Variants in UGGT1 observed in about 807,000 individuals in gnomAD.
The protein encoded by UGGT1 is UDP-glucose:glycoprotein glucosyltransferase 1.
UGGT1 carries 107 observed loss-of-function variants against 203.9 expected under a neutral mutation model. The ratio of observed to expected loss-of-function variants is 0.52; its 90% CI spans 0.45 to 0.62. UGGT1 has a LOEUF of 0.62. Among genes scored for constraint, UGGT1 ranks in the 20% least tolerant of loss-of-function variants. UGGT1 has a pLI of 0.00. For missense variants in UGGT1, 1,673 were observed against 1,867.2 expected (o/e 0.90, Z 1.92); for synonymous variants, 628 against 653.5 (o/e 0.96, Z 0.59).
intron 1 of UGGT1, 89 bp downstream of exon 1, chr2:128,091,504 CG>C (rs1686861134): frequency 2.7e-6 from 4 of 1,501,582 alleles, no homozygotes; most frequent in Non-Finnish European, 2.7e-6. Flanking sequence ...ATTGAGCTTC[CG>C]CCTCTACCGT....
At chr2:128,096,977 T>G (rs1239247109) in intron 1 of UGGT1, among the ~76,000 whole-genome samples, 1 of 152,248 alleles carries the variant, frequency 6.6e-6, no homozygotes, top group Non-Finnish European at 1.5e-5. Context: ...AGATATTAAG[T>G]GCTATTATAT....
intron 25 of UGGT1, among the ~76,000 whole-genome samples, chr2:128,162,434 T>A (rs1291534290): frequency 8.0e-6 from 1 of 124,796 alleles, no homozygotes; most frequent in Non-Finnish European, 1.8e-5. Flanking sequence ...AGTGAGACTG[T>A]GTCTCCAAAA....
At chr2:128,122,474 C>T (rs1450559683) in intron 10 of UGGT1, among the ~76,000 whole-genome samples, 1 of 150,714 alleles carries the variant, frequency 6.6e-6, no homozygotes, top group African/African-American at 2.4e-5. Flanking sequence ...GTGAAGGTTA[C>T]AGTGAGCCAA....
chr2:128,149,568 A>G (rs531050635), intron 18 of UGGT1, among the ~76,000 whole-genome samples: 8 of 151,158 alleles, frequency 5.3e-5, no homozygotes, highest in African/African-American at 9.7e-5. Flanking sequence ...GATCAAGATC[A>G]TTCTGGCTAA....
intron 2 of UGGT1, among the ~76,000 whole-genome samples, chr2:128,101,609 A>G (rs1407119704): frequency 3.3e-5 from 5 of 152,210 alleles, no homozygotes; most frequent in Non-Finnish European, 5.9e-5. Flanking sequence ...TTAAATAGAC[A>G]TGAATTTATA....
chr2:128,134,660 T>C (rs1689045684), intron 14 of UGGT1, among the ~76,000 whole-genome samples: 1 of 152,246 alleles, frequency 6.6e-6, no homozygotes, highest in African/African-American at 2.4e-5. Flanking sequence ...TCCCTTGTTA[T>C]CAGCGTAAGT....
intron 3 of UGGT1, among the ~76,000 whole-genome samples, chr2:128,105,099 T>C (rs989056643): frequency 2.6e-5 from 4 of 151,624 alleles, no homozygotes; most frequent in African/African-American, 9.7e-5. Flanking sequence ...CCCAGGCTGG[T>C]CTCAAACTTC....
chr2:128,151,593 T>C (rs1349160804), intron 18 of UGGT1, among the ~76,000 whole-genome samples: 1 of 152,226 alleles, frequency 6.6e-6, no homozygotes, highest in African/African-American at 2.4e-5. Flanking sequence ...AATGTGTATA[T>C]TTGATTCACA....
intron 13 of UGGT1, 94 bp downstream of exon 13, chr2:128,129,273 A>C: frequency 7.2e-7 from 1 of 1,390,884 alleles, no homozygotes; most frequent in Non-Finnish European, 9.6e-7. Flanking sequence ...AGTTACTCCC[A>C]CCATCTCTTT....
chr2:128,125,335 G>A (rs1185475596), intron 11 of UGGT1, among the ~76,000 whole-genome samples: 2 of 151,942 alleles, frequency 1.3e-5, no homozygotes, highest in East Asian at 3.8e-4. Flanking sequence ...TTGGGGGGCT[G>A]GGGGGTTTTG....
intron 1 of UGGT1, among the ~76,000 whole-genome samples, chr2:128,093,309 T>A (rs1393762303): frequency 6.6e-6 from 1 of 152,208 alleles, no homozygotes; most frequent in Non-Finnish European, 1.5e-5. Context: ...TCTTCACTCT[T>A]GGTGCCACAC....
At position 128,113,726 on chromosome 2, in the gene UGGT1, A is replaced by AAGGTTGT. The variant is rs1687973320; in HGVS notation, c.696+468_696+469insAGGTTGT. 3.5e-3 allele frequency among the ~76,000 whole-genome samples: 11 copies of AAGGTTGT among 3,120 alleles called. 3 individuals carry two copies. The highest frequency in any genetic ancestry group is 0.017 in the Non-Finnish European group (1 of 58). 2.0% of individuals were successfully genotyped at this position (3,120 alleles called of 152,430 possible). A position where few individuals can be genotyped will look rare whatever the true frequency, so the allele number is the denominator to read the frequency against. On this transcript the variant is annotated intron_variant, in intron 6 of 40. Transcript: ENST00000259253. ...CCGGGCGCGGTGGCTCACGCCTGTA[A>AAGGTTGT]TCCCAGCACTTTGGGAGGCCGAGGC...
intron 25 of UGGT1, among the ~76,000 whole-genome samples, chr2:128,164,431 T>A (rs1690681066): frequency 6.6e-6 from 1 of 152,194 alleles, no homozygotes; most frequent in African/African-American, 2.4e-5. Context: ...CAAGGGAGAA[T>A]GTAAATAATA....
At chr2:128,112,719 A>G (rs1387134206) in intron 5 of UGGT1, among the ~76,000 whole-genome samples, 3 of 150,752 alleles carry the variant, frequency 2.0e-5, no homozygotes, top group Admixed American at 6.6e-5. Context: ...AGTAGCTAGG[A>G]CTACAGGTGC....
At chr2:128,117,543 A>G (rs1430594105) in intron 8 of UGGT1, among the ~76,000 whole-genome samples, 1 of 77,278 alleles carries the variant, frequency 1.3e-5, no homozygotes, top group Non-Finnish European at 2.8e-5. Flanking sequence ...CTTAACTGTT[A>G]TTCTTTTTTT....
In UGGT1 at chr2:128,135,566, A is replaced by G. The variant is rs73955936; in HGVS notation, c.1583+605A>G. 2.4e-3 allele frequency among the ~76,000 whole-genome samples: 371 copies of G among 152,356 alleles called. 1 individual carries two copies. Among genetic ancestry groups the G allele is most frequent in the Middle Eastern group, 0.014 (4 of 294 alleles). ...TAGAAAATGTGAAAATAAAGAAGAA[A>G]ATAACTCTTTATTCAATAAATATTA... is the stretch of plus-strand genomic sequence containing the variant. On this transcript the variant is annotated intron_variant, in intron 15 of 40. Coordinates refer to ENST00000259253, the MANE Select transcript of UGGT1 (RefSeq NM_020120.4).
At position 128,133,265 on chromosome 2, in the gene UGGT1, G is replaced by A; in HGVS notation, c.1497+5G>A. The A allele has an allele frequency of 6.2e-7, 1 of 1,612,010 alleles. No individual in the cohort carries two copies. Among genetic ancestry groups the A allele is most frequent in the East Asian group, 2.2e-5 (1 of 44,736 alleles). ...AGGAAAAACTTACATAATATGGTAA[G>A]TAAAACTTATTGTCTGGCTGTGAAC... On this transcript the variant is annotated splice_donor_5th_base_variant and intron_variant, in intron 14 of 40. Coordinates refer to ENST00000259253, the MANE Select transcript of UGGT1 (RefSeq NM_020120.4).
chr2:128,134,827 A>C, intron 14 of UGGT1, 49 bp from the exon 15 acceptor site: 1 of 1,550,726 alleles, frequency 6.4e-7, no homozygotes, highest in Non-Finnish European at 8.9e-7. Context: ...CGGCCCACAG[A>C]TACTTGAATA....
Position 128,165,102 on chromosome 2 carries a change from A to G in UGGT1, c.2921+277A>G, listed in dbSNP as rs576852542. ...AGTAGAAAATAGACTGCATTTAATT[A>G]AACAGAGAAGTTGTACTTTTCTTAA... On this transcript the variant is annotated intron_variant, in intron 26 of 40. Coordinates refer to ENST00000259253, the MANE Select transcript of UGGT1 (RefSeq NM_020120.4). 2.0e-5 allele frequency among the ~76,000 whole-genome samples: 3 copies of G among 152,376 alleles called. No individual in the cohort carries two copies. In the South Asian group the frequency reaches 6.2e-4, roughly 32 times the overall value.
Sources: allele counts gnomAD v4.1 joint callset (sites outside exome capture counted in the v4.1 genomes callset), GRCh38; gene constraint gnomAD v4.1.1; transcripts MANE v1.5; gene names NCBI Gene and HGNC (gene_info 2026-07-23, HGNC 2026-07-21).